EXOSC6: variants seen among roughly 807,000 people sequenced by gnomAD.
EXOSC6 encodes exosome complex component MTR3.
A neutral mutation model predicts 16.7 loss-of-function variants in EXOSC6; 21 were observed. That is an observed-to-expected ratio of 1.26 (90% CI 0.89 to 1.82). The LOEUF (loss-of-function observed/expected upper bound fraction) is 1.82. Ranked by LOEUF, EXOSC6 falls within the 40% of genes most tolerant of loss-of-function variation. The probability of loss-of-function intolerance (pLI) is 0.00; values close to 1 mark genes in which losing one functional copy is unlikely to be tolerated. For missense variants in EXOSC6, 538 were observed against 415.7 expected (o/e 1.29, Z -2.56); for synonymous variants, 297 against 217.1 (o/e 1.37, Z -3.24).
chr16:70,248,670 AC>A lies in EXOSC6; in HGVS notation c.*2411del, dbSNP rs1370449129. 4 of 151,762 alleles carry A rather than the reference AC, an allele frequency of 2.6e-5. No individual in the cohort carries two copies. The highest frequency in any genetic ancestry group is 9.7e-5 in the African/African-American group (4 of 41,284). 9.4% of individuals were successfully genotyped at this position (151,762 alleles called of 1,614,324 possible). A position where few individuals can be genotyped will look rare whatever the true frequency, so the allele number is the denominator to read the frequency against. ...GAGTGCAGTAGCTTGACCATAGCTC[AC>A]TGTAGCTTCAACCTCCCAGGCACAA... is the stretch of plus-strand genomic sequence containing the variant. On this transcript the variant is annotated 3_prime_UTR_variant, in exon 1 of 1. Coordinates refer to ENST00000435634, the MANE Select transcript of EXOSC6 (RefSeq NM_058219.3).
rs992201823 is a variant in EXOSC6, at chr16:70,251,262, C to G, written c.639G>C (p.Val213=). 4.8e-6 allele frequency: 7 copies of G among 1,463,052 alleles called. No individual in the cohort carries two copies. Among genetic ancestry groups the G allele is most frequent in the African/African-American group, 4.4e-5 (3 of 67,576 alleles). The allele number at this position is 1,463,052 out of a possible 1,614,324, so 90.6% of individuals were successfully genotyped here. ...EEERAAAGLT[V]ALMPVLNQVA... is the part of the protein sequence containing the mutation. The stretch of plus-strand genomic sequence containing the variant: ...CCTGATTCAGCACAGGCATGAGCGC[C>G]ACGGTGAGGCCGGCGGCGGCGCGCT... The change falls in exon 1 of 1, where the codon GTG becomes GTC. Residue 213 remains valine (V), a synonymous_variant. Coordinates refer to ENST00000435634, the MANE Select transcript of EXOSC6 (RefSeq NM_058219.3).
rs769808459 is a variant in EXOSC6, at chr16:70,251,181, G to A, written c.720C>T (p.Ala240=). 1.6e-5 allele frequency: 25 copies of A among 1,523,572 alleles called. No individual in the cohort carries two copies. Among genetic ancestry groups the A allele is most frequent in the Non-Finnish European group, 8.7e-6 (10 of 1,144,278 alleles). The allele number at this position is 1,523,572 out of a possible 1,614,324, so 94.4% of individuals were successfully genotyped here. The change falls in exon 1 of 1, where the codon GCC becomes GCT. Residue 240 remains alanine (A), a synonymous_variant. Coordinates refer to ENST00000435634, the MANE Select transcript of EXOSC6 (RefSeq NM_058219.3). ...GGCAGCCCTCGAGGCCCAGGCGTACGGCCTCCGCCCAGCTCTCTGTCAGGC... is the reference window on the plus strand; with the variant it reads ...GGCAGCCCTCGAGGCCCAGGCGTACAGCCTCCGCCCAGCTCTCTGTCAGGC... The part of the protein sequence containing the change: ...EGGLTESWAE[A]VRLGLEGCQR...
rs1280996511 is a variant in EXOSC6, at chr16:70,246,831, G to A, written c.*4251C>T. On this transcript the variant is annotated 3_prime_UTR_variant, in exon 1 of 1. Transcript: ENST00000435634. ...TCTTCAAATATTTTAAGGTACGAAC[G>A]TCAGAAATAAAAATGCAGCATTTAA... is the stretch of plus-strand genomic sequence containing the variant. 13 of 572,312 alleles carry A rather than the reference G, an allele frequency of 2.3e-5. No homozygotes were observed. The highest frequency in any genetic ancestry group is 9.6e-5 in the African/African-American group (5 of 52,234). The allele number at this position is 572,312 out of a possible 1,614,324, so 35.5% of individuals were successfully genotyped here. A position where few individuals can be genotyped will look rare whatever the true frequency, so the allele number is the denominator to read the frequency against.
At position 70,251,387 on chromosome 16, in the gene EXOSC6, C is replaced by A; in HGVS notation, c.514G>T (p.Ala172Ser). Residue 172 changes from alanine (A) to serine (S), a missense_variant, in exon 1 of 1, where the codon GCG becomes TCG. By Grantham distance (99) the Ala-to-Ser change is moderately conservative (BLOSUM62 1). Transcript: ENST00000435634. ...ACCAGGTCGTACATCTCCACGCCCG[C>A]GTCGGCCAGGGCGAGCGCGGCGGCG... ...LTAAALALADAGVEMYDLVVG... is the reference protein window; with the variant it reads ...LTAAALALADSGVEMYDLVVG... The A allele has an allele frequency of 7.4e-7, 1 of 1,356,572 alleles. No homozygotes were observed. The highest frequency in any genetic ancestry group is 9.4e-7 in the Non-Finnish European group (1 of 1,060,546). 84.0% of individuals were successfully genotyped at this position (1,356,572 alleles called of 1,614,324 possible).
Position 70,251,165 on chromosome 16 carries a change from C to A in EXOSC6, c.736G>T (p.Glu246Ter), listed in dbSNP as rs757035062. The change falls in exon 1 of 1, where the codon GAG (glutamate) becomes TAG (stop). Residue 246 changes from glutamate (E) to a stop codon, truncating the protein, a stop_gained. Coordinates refer to ENST00000435634, the MANE Select transcript of EXOSC6 (RefSeq NM_058219.3). LOFTEE classifies it high-confidence loss of function. ...SWAEAVRLGL[E>*]GCQRLYPVLQ... Reference sequence around the variant, plus strand: ...ACGGGGTAGAGGCGCTGGCAGCCCTCGAGGCCCAGGCGTACGGCCTCCGCC... The same window carrying A: ...ACGGGGTAGAGGCGCTGGCAGCCCTAGAGGCCCAGGCGTACGGCCTCCGCC... 6.5e-7 allele frequency: 1 copy of A among 1,531,366 alleles called. No individual in the cohort carries two copies. The highest frequency in any genetic ancestry group is 1.9e-5 in the Admixed American group (1 of 51,366). The allele number at this position is 1,531,366 out of a possible 1,614,324, so 94.9% of individuals were successfully genotyped here.
rs929596071 is a variant in EXOSC6, at chr16:70,250,274, G to A, written c.*808C>T. 7.2e-5 allele frequency: 11 copies of A among 152,130 alleles called. No homozygotes were observed. The highest frequency in any genetic ancestry group is 2.7e-4 in the African/African-American group (11 of 41,394). The allele number at this position is 152,130 out of a possible 1,614,324, so 9.4% of individuals were successfully genotyped here. On this transcript the variant is annotated 3_prime_UTR_variant, in exon 1 of 1. Transcript: ENST00000435634. ...TACTCAATCGACCCTGAATGCTACAGCATTATCCAGGGCCGCAGAAAACAC... is the reference window on the plus strand; with the variant it reads ...TACTCAATCGACCCTGAATGCTACAACATTATCCAGGGCCGCAGAAAACAC...
rs1189455427 is a variant in EXOSC6 at position 70,248,189 on chromosome 16, A to G, written c.*2893T>C. 1 of 152,214 alleles carries G rather than the reference A, an allele frequency of 6.6e-6. No homozygotes were observed. The highest frequency in any genetic ancestry group is 2.4e-5 in the African/African-American group (1 of 41,466). The allele number at this position is 152,214 out of a possible 1,614,324, so 9.4% of individuals were successfully genotyped here. On this transcript the variant is annotated 3_prime_UTR_variant, in exon 1 of 1. Coordinates refer to ENST00000435634, the MANE Select transcript of EXOSC6 (RefSeq NM_058219.3). ...TTACAGAAATTTGAATATAGAACAC[A>G]TATGTAATAAAATTCATTTTCTTAG...
rs1959758498 is a variant in EXOSC6 at position 70,249,436 on chromosome 16, C to T, written c.*1646G>A. ...AGATATTTTAATATATTCAGATACA[C>T]AAATATGAAATAAAACTAAGTAGAG... On this transcript the variant is annotated 3_prime_UTR_variant, in exon 1 of 1. Coordinates refer to ENST00000435634, the MANE Select transcript of EXOSC6 (RefSeq NM_058219.3). The T allele has an allele frequency of 6.6e-6, 1 of 151,668 alleles. No homozygotes were observed. Among genetic ancestry groups the T allele is most frequent in the African/African-American group, 2.4e-5 (1 of 41,218 alleles). The allele number at this position is 151,668 out of a possible 1,614,324, so 9.4% of individuals were successfully genotyped here.
In EXOSC6 at chr16:70,247,120, A is replaced by T. The variant is rs1256228619; in HGVS notation, c.*3962T>A. 6.2e-6 allele frequency: 2 copies of T among 325,118 alleles called. No individual in the cohort carries two copies. The highest frequency in any genetic ancestry group is 5.8e-6 in the Non-Finnish European group (1 of 171,340). The allele number at this position is 325,118 out of a possible 1,614,324, so 20.1% of individuals were successfully genotyped here. On this transcript the variant is annotated 3_prime_UTR_variant, in exon 1 of 1. Coordinates refer to ENST00000435634, the MANE Select transcript of EXOSC6 (RefSeq NM_058219.3). ...AAAAAAAATTGACTTGTAAATCCCA[A>T]CTACTCGGGAGGCTGAGACACAAGA... is the stretch of plus-strand genomic sequence containing the variant.
rs1475861289 is a variant in EXOSC6, at chr16:70,251,857, T to C, written c.44A>G (p.Gln15Arg). ...HRRIRGPEES[Q>R]PPQLYAADEE... ...GTCGGCCGCGTACAGCTGCGGCGGC[T>C]GCGATTCTTCAGGGCCGCGGATGCG... Residue 15 changes from glutamine to arginine, a missense_variant, in exon 1 of 1, where the codon CAG (glutamine) becomes CGG (arginine). By Grantham distance (43) the Gln-to-Arg change is conservative. Transcript: ENST00000435634. The C allele has an allele frequency of 7.1e-6, 11 of 1,554,214 alleles. No individual in the cohort carries two copies. Among genetic ancestry groups the C allele is most frequent in the Non-Finnish European group, 9.5e-6 (11 of 1,160,586 alleles).
Position 70,251,476 on chromosome 16 carries a change from G to C in EXOSC6, c.425C>G (p.Ala142Gly). 1 of 1,325,136 alleles carries C rather than the reference G, an allele frequency of 7.5e-7. No individual in the cohort carries two copies. Among genetic ancestry groups the C allele is most frequent in the Non-Finnish European group, 9.6e-7 (1 of 1,036,414 alleles). The allele number at this position is 1,325,136 out of a possible 1,614,324, so 82.1% of individuals were successfully genotyped here. ...PAVRLGRYPRAQLEVSALLLE... is the reference protein window; with the variant it reads ...PAVRLGRYPRGQLEVSALLLE... ...CAGCAGCGCCGACACCTCGAGCTGC[G>C]CGCGCGGGTAGCGGCCCAGGCGCAC... Residue 142 changes from alanine to glycine, a missense_variant, in exon 1 of 1, where the codon GCG (alanine) becomes GGG (glycine). Coordinates refer to ENST00000435634, the MANE Select transcript of EXOSC6 (RefSeq NM_058219.3).
At position 70,249,031 on chromosome 16, in the gene EXOSC6, A is replaced by C. The variant is rs1959750247; in HGVS notation, c.*2051T>G. 1 of 149,198 alleles carries C rather than the reference A, an allele frequency of 6.7e-6. No individual in the cohort carries two copies. Among genetic ancestry groups the C allele is most frequent in the Non-Finnish European group, 1.5e-5 (1 of 67,388 alleles). The allele number at this position is 149,198 out of a possible 1,614,324, so 9.2% of individuals were successfully genotyped here. On this transcript the variant is annotated 3_prime_UTR_variant, in exon 1 of 1. Transcript: ENST00000435634. Reference sequence around the variant, plus strand: ...AAAAACTGTAAAAAAAAAAAAAAAAAACCCTAATATCAGATATTCCAGACA... The same window carrying C: ...AAAAACTGTAAAAAAAAAAAAAAAACACCCTAATATCAGATATTCCAGACA...
In EXOSC6 at chr16:70,251,396, GGGCGAGCGCGGCGGC is replaced by G. The variant is rs1233287364; in HGVS notation, c.490_504del (p.Ala164_Ala168del). On this transcript the variant is annotated inframe_deletion, in exon 1 of 1. Coordinates refer to ENST00000435634, the MANE Select transcript of EXOSC6 (RefSeq NM_058219.3). ...TACATCTCCACGCCCGCGTCGGCCA[GGGCGAGCGCGGCGGC>G]GGTGAGCGCGGCGGCCAGGGCCGAG... The G allele has an allele frequency of 3.7e-6, 5 of 1,344,206 alleles. No individual in the cohort carries two copies. Among genetic ancestry groups the G allele is most frequent in the South Asian group, 1.9e-5 (1 of 52,512 alleles). The allele number at this position is 1,344,206 out of a possible 1,614,324, so 83.3% of individuals were successfully genotyped here.
Position 70,247,607 on chromosome 16 carries a change from CA to C in EXOSC6, c.*3474del, listed in dbSNP as rs1276569676. On this transcript the variant is annotated 3_prime_UTR_variant, in exon 1 of 1. Transcript: ENST00000435634. Reference sequence around the variant, plus strand: ...CATGCAGGCTCAGGTTACCATTATACATAAATTTTTAAAATAAATATATGGC... The same window carrying C: ...CATGCAGGCTCAGGTTACCATTATACTAAATTTTTAAAATAAATATATGGC... 6.6e-5 allele frequency: 10 copies of C among 152,162 alleles called. No individual in the cohort carries two copies. Among genetic ancestry groups the C allele is most frequent in the Admixed American group, 3.9e-4 (6 of 15,274 alleles). 9.4% of individuals were successfully genotyped at this position (152,162 alleles called of 1,614,324 possible).
In EXOSC6 at chr16:70,248,317, G is replaced by T. The variant is rs551460220; in HGVS notation, c.*2765C>A. On this transcript the variant is annotated 3_prime_UTR_variant, in exon 1 of 1. Coordinates refer to ENST00000435634, the MANE Select transcript of EXOSC6 (RefSeq NM_058219.3). ...ACTGTCATCATGTGTATGGTTTTCAGATGCTCAACAAAAGTGTGTGAGAAA... is the reference window on the plus strand; with the variant it reads ...ACTGTCATCATGTGTATGGTTTTCATATGCTCAACAAAAGTGTGTGAGAAA... The T allele has an allele frequency of 6.6e-6, 1 of 151,634 alleles. No individual in the cohort carries two copies. Among genetic ancestry groups the T allele is most frequent in the African/African-American group, 2.4e-5 (1 of 40,890 alleles). 9.4% of individuals were successfully genotyped at this position (151,634 alleles called of 1,614,324 possible). A position where few individuals can be genotyped will look rare whatever the true frequency, so the allele number is the denominator to read the frequency against.
At position 70,251,251 on chromosome 16, in the gene EXOSC6, G is replaced by A. The variant is rs779799095; in HGVS notation, c.650C>T (p.Pro217Leu). The A allele has an allele frequency of 1.3e-5, 19 of 1,483,792 alleles. No homozygotes were observed. The highest frequency in any genetic ancestry group is 1.5e-5 in the African/African-American group (1 of 68,150). 91.9% of individuals were successfully genotyped at this position (1,483,792 alleles called of 1,614,324 possible). A position where few individuals can be genotyped will look rare whatever the true frequency, so the allele number is the denominator to read the frequency against. Residue 217 changes from proline to leucine, a missense_variant, in exon 1 of 1, where the codon CCT (proline) becomes CTT (leucine). Pro to Leu is a moderately conservative substitution (Grantham distance 98, BLOSUM62 -3). Coordinates refer to ENST00000435634, the MANE Select transcript of EXOSC6 (RefSeq NM_058219.3). ...CAGCCCGGCCACCTGATTCAGCACAGGCATGAGCGCCACGGTGAGGCCGGC... is the reference window on the plus strand; with the variant it reads ...CAGCCCGGCCACCTGATTCAGCACAAGCATGAGCGCCACGGTGAGGCCGGC... The part of the protein sequence containing the change: ...AAAGLTVALM[P>L]VLNQVAGLLG...
rs1478605332 is a variant in EXOSC6, at chr16:70,250,288, C to T, written c.*794G>A. ...TGAATGCTACAGCATTATCCAGGGC[C>T]GCAGAAAACACACATAATACTTTAT... is the stretch of plus-strand genomic sequence containing the variant. On this transcript the variant is annotated 3_prime_UTR_variant, in exon 1 of 1. Transcript: ENST00000435634. 6.6e-6 allele frequency: 1 copy of T among 152,106 alleles called. No homozygotes were observed. Among genetic ancestry groups the T allele is most frequent in the East Asian group, 1.9e-4 (1 of 5,192 alleles). 9.4% of individuals were successfully genotyped at this position (152,106 alleles called of 1,614,324 possible).
rs376301785 is a variant in EXOSC6 at position 70,251,130 on chromosome 16, C to T, written c.771G>A (p.Gln257=). 1 of 1,532,790 alleles carries T rather than the reference C, an allele frequency of 6.5e-7. No individual in the cohort carries two copies. The highest frequency in any genetic ancestry group is 1.2e-5 in the South Asian group (1 of 84,010). The allele number at this position is 1,532,790 out of a possible 1,614,324, so 94.9% of individuals were successfully genotyped here. ...GCQRLYPVLQ[Q]SLVRAARRRG... ...TGCGGCGGGCGGCCCGCACCAGGCT[C>T]TGCTGCAGCACGGGGTAGAGGCGCT... Residue 257 remains glutamine (Q), a synonymous_variant, in exon 1 of 1, where the codon CAG becomes CAA. Transcript: ENST00000435634.
rs570780559 is a variant in EXOSC6, at chr16:70,250,540, G to C, written c.*542C>G. On this transcript the variant is annotated 3_prime_UTR_variant, in exon 1 of 1. Coordinates refer to ENST00000435634, the MANE Select transcript of EXOSC6 (RefSeq NM_058219.3). Reference sequence around the variant, plus strand: ...AAAAATTAGCCCGGTATGGAGGCATGTGCCTGTAATCCCAGCTACTTGGGA... The same window carrying C: ...AAAAATTAGCCCGGTATGGAGGCATCTGCCTGTAATCCCAGCTACTTGGGA... 19 of 152,098 alleles carry C rather than the reference G, an allele frequency of 1.2e-4. No individual in the cohort carries two copies. The highest frequency in any genetic ancestry group is 3.9e-4 in the African/African-American group (16 of 41,458). The allele number at this position is 152,098 out of a possible 1,614,324, so 9.4% of individuals were successfully genotyped here. A position where few individuals can be genotyped will look rare whatever the true frequency, so the allele number is the denominator to read the frequency against.
Sources: allele counts gnomAD v4.1 joint callset, GRCh38; gene constraint gnomAD v4.1.1; transcripts MANE v1.5; gene names NCBI Gene and HGNC (gene_info 2026-07-23, HGNC 2026-07-21).